PRDM5: variants seen among roughly 807,000 people sequenced by gnomAD.
PRDM5 encodes PR/SET domain 5, also known as PR domain zinc finger protein 5.
In PRDM5, 56 loss-of-function variants were observed where a neutral mutation model predicts 81.2. The observed-to-expected ratio is 0.69, with a 90% CI of 0.56 to 0.86. The LOEUF (loss-of-function observed/expected upper bound fraction) is 0.86. Among genes scored for constraint, PRDM5 ranks in the 40% least tolerant of loss-of-function variants. PRDM5 has a pLI of 0.00. For missense variants in PRDM5, 697 were observed against 770.1 expected, an observed-to-expected ratio of 0.91 and a Z score of 1.12; for synonymous variants, 267 against 256.4, an observed-to-expected ratio of 1.04 and a Z score of -0.39.
chr4:120,792,975 C>T (rs1257973319), intron 10 of PRDM5, among the ~76,000 whole-genome samples: 1 of 152,078 alleles, frequency 6.6e-6, no homozygotes, highest in Admixed American at 6.5e-5. Flanking sequence ...GTTTCAGTTA[C>T]ACAGGATAAG....
chr4:120,687,403 C>A (rs898759665), downstream of PRDM5, among the ~76,000 whole-genome samples: 1 of 152,058 alleles, frequency 6.6e-6, no homozygotes, highest in African/African-American at 2.4e-5. Flanking sequence ...TTCTAACTGG[C>A]TTATTTCATT....
At chr4:120,706,583 G>A (rs1018250548) in intron 15 of PRDM5, among the ~76,000 whole-genome samples, 1 of 151,952 alleles carries the variant, frequency 6.6e-6, no homozygotes, top group African/African-American at 2.4e-5. Flanking sequence ...AGAGACCTGG[G>A]CAGGAGAAAG....
rs763208055 is a variant in PRDM5 at position 120,710,364 on chromosome 4, C to T, written c.1673G>A (p.Arg558Gln). Residue 558 changes from arginine to glutamine, a missense_variant, in exon 15 of 16, where the codon CGA becomes CAA. By Grantham distance (43) the Arg-to-Gln change is conservative. Around this residue, in one of 3 missense-constraint regions of PRDM5, gnomAD observed 86 missense variants for 135.2 expected, o/e 0.64. Coordinates refer to ENST00000264808, the MANE Select transcript of PRDM5 (RefSeq NM_018699.4). ...CGTCCTCTTGTGCTCATCCAGGCCT[C>T]GCTTCTGGCTGAAGGCCTTGCTGCA... ...SECSKAFSQK[R>Q]GLDEHKRTHT... 1.2e-6 allele frequency: 2 copies of T among 1,613,966 alleles called. No individual in the cohort carries two copies. The highest frequency in any genetic ancestry group is 1.7e-5 in the Admixed American group (1 of 59,984).
At chr4:120,706,683 G>T (rs547421210) in intron 15 of PRDM5, among the ~76,000 whole-genome samples, 1 of 105,922 alleles carries the variant, frequency 9.4e-6, no homozygotes, top group South Asian at 3.8e-4. Context: ...GTATTGATGA[G>T]TAACGTGTCA....
intron 14 of PRDM5, among the ~76,000 whole-genome samples, chr4:120,746,825 C>T (rs1180304680): frequency 2.1e-5 from 3 of 144,794 alleles, no homozygotes; most frequent in Non-Finnish European, 3.0e-5. Flanking sequence ...AACACTTTTA[C>T]ACTGTTGGTG....
At chr4:120,769,489 G>C (rs1174700173) in intron 13 of PRDM5, among the ~76,000 whole-genome samples, 4 of 152,188 alleles carry the variant, frequency 2.6e-5, no homozygotes, top group African/African-American at 9.7e-5. Flanking sequence ...TAAACAGTGA[G>C]GGGTCGGTAG....
chr4:120,883,888 T>C (rs373260978), intron 2 of PRDM5, among the ~76,000 whole-genome samples: 5 of 152,208 alleles, frequency 3.3e-5, no homozygotes, highest in African/African-American at 9.7e-5. Flanking sequence ...GGGCTTCTTT[T>C]TGGAGTGATG....
intron 8 of PRDM5, among the ~76,000 whole-genome samples, chr4:120,806,469 C>A (rs1057085829): frequency 2.0e-5 from 3 of 152,160 alleles, no homozygotes; most frequent in Non-Finnish European, 4.4e-5. Context: ...CTACAGTAAC[C>A]AAAACAGCAT....
At chr4:120,851,383 A>G (rs1759247210) in intron 3 of PRDM5, among the ~76,000 whole-genome samples, 1 of 151,856 alleles carries the variant, frequency 6.6e-6, no homozygotes, top group South Asian at 2.1e-4. Flanking sequence ...GACATAAATG[A>G]TGTTCTCATG....
chr4:120,912,791 A>C (rs1200812439), intron 1 of PRDM5, among the ~76,000 whole-genome samples: 2 of 152,226 alleles, frequency 1.3e-5, no homozygotes, highest in East Asian at 3.9e-4. Context: ...TAAAAAATAT[A>C]CATATAGATG....
At chr4:120,852,251 T>C (rs1472469271) in intron 3 of PRDM5, among the ~76,000 whole-genome samples, 1 of 152,238 alleles carries the variant, frequency 6.6e-6, no homozygotes, top group Non-Finnish European at 1.5e-5. Flanking sequence ...CCACCAGTGA[T>C]GGTTAACTTT....
At chr4:120,721,873 A>G (rs760072502) in intron 14 of PRDM5, among the ~76,000 whole-genome samples, 3 of 152,184 alleles carry the variant, frequency 2.0e-5, no homozygotes, top group Non-Finnish European at 2.9e-5. Context: ...AGCCACTATT[A>G]TCTGTAAAAG....
At chr4:120,800,755 ATTAAT>A (rs1752017720) in intron 8 of PRDM5, among the ~76,000 whole-genome samples, 1 of 152,216 alleles carries the variant, frequency 6.6e-6, no homozygotes, top group African/African-American at 2.4e-5. Context: ...TAATGGATGC[ATTAAT>A]TTATTTCACT....
chr4:120,741,627 G>A (rs1741985970), intron 14 of PRDM5, among the ~76,000 whole-genome samples: 1 of 152,050 alleles, frequency 6.6e-6, no homozygotes, highest in Admixed American at 6.5e-5. Context: ...AGCACAAAGG[G>A]TCAGGGAGTT....
intron 2 of PRDM5, among the ~76,000 whole-genome samples, chr4:120,853,780 G>A (rs750949702): frequency 6.6e-6 from 1 of 152,130 alleles, no homozygotes; most frequent in Non-Finnish European, 1.5e-5. Context: ...AACATCCTAC[G>A]TTGATAGTTG....
intron 1 of PRDM5, among the ~76,000 whole-genome samples, chr4:120,918,034 A>G (rs942378292): frequency 1.3e-5 from 2 of 152,180 alleles, no homozygotes; most frequent in African/African-American, 4.8e-5. Context: ...TAAAGCATCT[A>G]GTGACTGTTG....
At chr4:120,870,394 T>C (rs542487071) in intron 2 of PRDM5, among the ~76,000 whole-genome samples, 68 of 152,248 alleles carry the variant, frequency 4.5e-4, no homozygotes, top group Admixed American at 3.7e-3. Flanking sequence ...TCGATAAACA[T>C]TGTTTGCACT....
At chr4:120,686,166 T>C (rs945103527) in intron 1 of PRDM5, among the ~76,000 whole-genome samples, 1 of 152,098 alleles carries the variant, frequency 6.6e-6, no homozygotes, top group African/African-American at 2.4e-5. Context: ...GCTAATACCA[T>C]GCTTCCTGTA....
chr4:120,846,977 C>T (rs1391255666), intron 3 of PRDM5, among the ~76,000 whole-genome samples: 1 of 152,030 alleles, frequency 6.6e-6, no homozygotes, highest in Admixed American at 6.6e-5. Flanking sequence ...AAAGTTCATG[C>T]TCTTTCTACT....
Sources: allele counts gnomAD v4.1 joint callset (sites outside exome capture counted in the v4.1 genomes callset), GRCh38; gene constraint gnomAD v4.1.1; regional missense constraint gnomAD v4.1.1; transcripts MANE v1.5; gene names NCBI Gene and HGNC (gene_info 2026-07-23, HGNC 2026-07-21).